The following LHFPL3 variants were observed in gnomAD, a reference collection of about 807,000 sequenced individuals.
LHFPL3 encodes LHFPL tetraspan subfamily member 3 protein.
In LHFPL3, 5 loss-of-function variants were observed where a neutral mutation model predicts 19.3. That is an observed-to-expected ratio of 0.26 (90% CI 0.14 to 0.54). LHFPL3 has a LOEUF of 0.54. Among genes scored for constraint, LHFPL3 ranks in the 20% least tolerant of loss-of-function variants. The pLI is 0.94. For missense variants in LHFPL3, 249 were observed against 307.4 expected (o/e 0.81, Z 1.42); for synonymous variants, 133 against 126.2 (o/e 1.05, Z -0.36).
At chr7:104,573,530 T>C (rs1477852682) in intron 1 of LHFPL3, among the ~76,000 whole-genome samples, 3 of 152,076 alleles carry the variant, frequency 2.0e-5, no homozygotes, top group Non-Finnish European at 4.4e-5. Context: ...ATAAATGAAA[T>C]ACCAACTAGT....
chr7:104,649,003 C>G (rs1157044081), intron 1 of LHFPL3, among the ~76,000 whole-genome samples: 2 of 152,230 alleles, frequency 1.3e-5, no homozygotes, highest in Non-Finnish European at 1.5e-5. Flanking sequence ...TCTTCCCCTC[C>G]TATTTTCCTA....
chr7:104,794,708 T>C (rs1790085268), intron 2 of LHFPL3, among the ~76,000 whole-genome samples: 1 of 152,234 alleles, frequency 6.6e-6, no homozygotes, highest in African/African-American at 2.4e-5. Flanking sequence ...ATAAAGTGAA[T>C]TTAAAGGTGA....
At chr7:104,780,447 C>T (rs907004171) in intron 2 of LHFPL3, among the ~76,000 whole-genome samples, 6 of 152,192 alleles carry the variant, frequency 3.9e-5, no homozygotes, top group Admixed American at 6.5e-5. Flanking sequence ...GAGGACGCAG[C>T]TCCTTCTCCC....
intron 1 of LHFPL3, among the ~76,000 whole-genome samples, chr7:104,442,959 C>T (rs542444578): frequency 8.5e-5 from 13 of 152,256 alleles, no homozygotes; most frequent in Admixed American, 7.9e-4. Flanking sequence ...TTGGAGGTAT[C>T]CTTTGGTATG....
chr7:104,759,772 A>G (rs1794343007), intron 2 of LHFPL3: 1 of 152,226 alleles, frequency 6.6e-6, no homozygotes, highest in Non-Finnish European at 1.5e-5. Context: ...TTTTCTGGGC[A>G]CTTACTGTGT....
chr7:104,354,410 G>A (rs886360783), intron 1 of LHFPL3, among the ~76,000 whole-genome samples: 2 of 152,156 alleles, frequency 1.3e-5, no homozygotes, highest in African/African-American at 4.8e-5. Context: ...CTGGACCATA[G>A]GGCACACATA....
chr7:104,689,436 C>A (rs1225332537), intron 1 of LHFPL3, among the ~76,000 whole-genome samples: 5 of 152,130 alleles, frequency 3.3e-5, no homozygotes, highest in African/African-American at 1.2e-4. Context: ...AACCAGGAAA[C>A]TTCCAGGTTG....
intron 1 of LHFPL3, among the ~76,000 whole-genome samples, chr7:104,353,775 T>C (rs1198135126): frequency 6.6e-6 from 1 of 152,164 alleles, no homozygotes; most frequent in Non-Finnish European, 1.5e-5. Context: ...GGGCACTTTA[T>C]ATACAGTGCC....
At chr7:104,512,748 AAAAG>A (rs1562921398) in intron 1 of LHFPL3, among the ~76,000 whole-genome samples, 3 of 151,810 alleles carry the variant, frequency 2.0e-5, no homozygotes, top group African/African-American at 2.4e-5. Flanking sequence ...AAAGAAAAAA[AAAAG>A]AGAGAGAGAG....
chr7:104,754,465 T>C (rs1374243660), intron 2 of LHFPL3, among the ~76,000 whole-genome samples: 1 of 152,190 alleles, frequency 6.6e-6, no homozygotes, highest in Non-Finnish European at 1.5e-5. Flanking sequence ...CTGCCTGGAT[T>C]AGAGCCTTAG....
chr7:104,782,817 T>C (rs889596288), intron 2 of LHFPL3, among the ~76,000 whole-genome samples: 1 of 152,234 alleles, frequency 6.6e-6, no homozygotes, highest in Non-Finnish European at 1.5e-5. Context: ...CTCTACAATA[T>C]TGATGTCCAC....
At chr7:104,501,009 A>T (rs529488926) in intron 1 of LHFPL3, among the ~76,000 whole-genome samples, 15 of 152,272 alleles carry the variant, frequency 9.9e-5, no homozygotes, top group African/African-American at 3.6e-4. Context: ...CAGTATATAC[A>T]CTTGTCATTT....
At chr7:104,855,638 T>G (rs1791490613) in intron 2 of LHFPL3, among the ~76,000 whole-genome samples, 1 of 151,912 alleles carries the variant, frequency 6.6e-6, no homozygotes, top group African/African-American at 2.4e-5. Flanking sequence ...TCTTTTTTTT[T>G]TTTTAGTCGG....
chr7:104,644,245 G>A (rs7801079), intron 1 of LHFPL3, among the ~76,000 whole-genome samples: 147,943 of 152,230 alleles, frequency 0.97, 72,009 homozygotes, highest in East Asian at 1. Context: ...TAGAGTGATC[G>A]ATCCCATGGC....
intron 2 of LHFPL3, among the ~76,000 whole-genome samples, chr7:104,810,602 G>A (rs940932238): frequency 6.6e-6 from 1 of 152,136 alleles, no homozygotes; most frequent in Non-Finnish European, 1.5e-5. Flanking sequence ...GAGAGGAAAG[G>A]CATGTGTTTC....
At chr7:104,506,520 C>A (rs1241093777) in intron 1 of LHFPL3, among the ~76,000 whole-genome samples, 4 of 152,222 alleles carry the variant, frequency 2.6e-5, no homozygotes, top group African/African-American at 9.6e-5. Context: ...TATACTCTCA[C>A]CTTTGTATAC....
intron 1 of LHFPL3, among the ~76,000 whole-genome samples, chr7:104,462,872 G>T (rs1226273173): frequency 6.6e-6 from 1 of 151,944 alleles, no homozygotes; most frequent in Non-Finnish European, 1.5e-5. Context: ...GTGGTCCTGG[G>T]GTTTTTTTTG....
chr7:104,774,351 A>G (rs1014996860), intron 2 of LHFPL3, among the ~76,000 whole-genome samples: 2 of 152,210 alleles, frequency 1.3e-5, no homozygotes, highest in African/African-American at 2.4e-5. Context: ...AACCCTAGCA[A>G]TGACTTAGAT....
At chr7:104,338,093 C>CTTTTTTTTTTTTTTTTTTTTTTTTTTTT (rs71296520) in intron 1 of LHFPL3, among the ~76,000 whole-genome samples, 1 of 85,846 alleles carries the variant, frequency 1.2e-5, no homozygotes. Flanking sequence ...TTTCCTTTTT[C>CTTTTTTTTTTTTTTTTTTTTTTTTTTTT]TTTTTTTTTT....
Sources: gnomAD v4.1 joint callset for allele counts (sites outside exome capture counted in the v4.1 genomes callset) on GRCh38, gnomAD v4.1.1 for gene constraint, MANE v1.5 for transcripts, NCBI Gene and HGNC (gene_info 2026-07-23, HGNC 2026-07-21) for gene names.